Variants in PRORP observed in about 807,000 individuals in gnomAD.
PRORP encodes protein only RNase P catalytic subunit.
In PRORP, 51 loss-of-function variants were observed where a neutral mutation model predicts 59.4. The ratio of observed to expected loss-of-function variants is 0.86; its 90% confidence interval spans 0.69 to 1.08. The LOEUF is 1.08. Among genes scored for constraint, PRORP ranks in the 50% least tolerant of loss-of-function variants. The pLI, the probability that PRORP is intolerant of heterozygous loss-of-function variation, is 0.00. For synonymous variants in PRORP, 231 were observed against 245.6 expected, an observed-to-expected ratio of 0.94 and a Z score of 0.55; for missense variants, 646 against 690.3, an observed-to-expected ratio of 0.94 and a Z score of 0.72.
intron 5 of PRORP, among the ~76,000 whole-genome samples, chr14:35,253,631 G>A (rs2050674596): frequency 1.3e-5 from 2 of 152,086 alleles, no homozygotes; most frequent in South Asian, 4.1e-4. Flanking sequence ...GGAACCAACT[G>A]AAATCTCAGT....
chr14:35,220,680 T>A (rs560555181), intron 5 of PRORP, among the ~76,000 whole-genome samples: 2 of 152,338 alleles, frequency 1.3e-5, no homozygotes, highest in African/African-American at 4.8e-5. Context: ...ACAACTACTA[T>A]ATTTTCCTGA....
At chr14:35,128,115 G>A (rs1384539108) in intron 4 of PRORP, among the ~76,000 whole-genome samples, 1 of 152,128 alleles carries the variant, frequency 6.6e-6, no homozygotes, top group African/African-American at 2.4e-5. Context: ...TTAGTATCAC[G>A]TTAACTGATT....
At chr14:35,272,390 A>G (rs983294779) in intron 7 of PRORP, among the ~76,000 whole-genome samples, 1 of 152,170 alleles carries the variant, frequency 6.6e-6, no homozygotes, top group Non-Finnish European at 1.5e-5. Context: ...AAGCAGGAGG[A>G]TTGCCTGAGC....
chr14:35,188,575 CT>C (rs2048801760), intron 5 of PRORP, among the ~76,000 whole-genome samples: 1 of 151,788 alleles, frequency 6.6e-6, no homozygotes, highest in South Asian at 2.1e-4. Context: ...TTTGGATTCT[CT>C]TTTCGGTGTT....
intron 5 of PRORP, 22 bp downstream of exon 5, chr14:35,180,799 T>C (rs778635852): frequency 7.2e-7 from 1 of 1,396,314 alleles, no homozygotes; most frequent in Non-Finnish European, 1.0e-6. Flanking sequence ...TTTTACTTTG[T>C]TATTCCACAT....
intron 5 of PRORP, among the ~76,000 whole-genome samples, chr14:35,201,513 G>A (rs1595295439): frequency 1.3e-5 from 2 of 151,692 alleles, no homozygotes; most frequent in East Asian, 3.9e-4. Flanking sequence ...TGCTCACAGT[G>A]TTCTACCTTT....
At chr14:35,204,124 A>G (rs1036511510) in intron 5 of PRORP, among the ~76,000 whole-genome samples, 1 of 152,190 alleles carries the variant, frequency 6.6e-6, no homozygotes, top group African/African-American at 2.4e-5. Context: ...TTCTTAGGTA[A>G]TACTCTGCTT....
intron 5 of PRORP, among the ~76,000 whole-genome samples, chr14:35,217,991 T>G (rs962081726): frequency 6.6e-6 from 1 of 152,182 alleles, no homozygotes; most frequent in Admixed American, 6.5e-5. Context: ...CAGCAGAGAT[T>G]TTGATAGAAG....
intron 5 of PRORP, among the ~76,000 whole-genome samples, chr14:35,214,361 C>T (rs2049531290): frequency 6.6e-6 from 1 of 152,126 alleles, no homozygotes; most frequent in Non-Finnish European, 1.5e-5. Flanking sequence ...ATTATGTGGT[C>T]AGAAGCCCCA....
intron 5 of PRORP, among the ~76,000 whole-genome samples, chr14:35,260,508 C>G (rs991118032): frequency 1.3e-5 from 2 of 152,166 alleles, no homozygotes; most frequent in African/African-American, 4.8e-5. Flanking sequence ...TTCAAGTATT[C>G]TGTTTTACCT....
intron 5 of PRORP, among the ~76,000 whole-genome samples, chr14:35,227,845 A>C (rs2049973945): frequency 6.6e-6 from 1 of 152,218 alleles, no homozygotes; most frequent in Non-Finnish European, 1.5e-5. Context: ...CGTAACAGGT[A>C]ATTTAAAGAC....
chr14:35,240,076 A>G (rs1322065821), intron 5 of PRORP, among the ~76,000 whole-genome samples: 1 of 147,262 alleles, frequency 6.8e-6, no homozygotes, highest in African/African-American at 2.5e-5. Context: ...CTCCATCTCA[A>G]AAAAAAAAAA....
chr14:35,151,160 A>G (rs974916186), intron 4 of PRORP, among the ~76,000 whole-genome samples: 54 of 152,158 alleles, frequency 3.5e-4, no homozygotes, highest in Non-Finnish European at 4.0e-4. Flanking sequence ...TACGTCCCAG[A>G]GTGATACACT....
At chr14:35,155,940 A>C (rs1235863015) in intron 4 of PRORP, among the ~76,000 whole-genome samples, 1 of 152,224 alleles carries the variant, frequency 6.6e-6, no homozygotes, top group Admixed American at 6.5e-5. Flanking sequence ...TTCAGAGTCA[A>C]TTCTATAAAG....
At chr14:35,217,271 T>C (rs1341158197) in intron 5 of PRORP, among the ~76,000 whole-genome samples, 1 of 152,032 alleles carries the variant, frequency 6.6e-6, no homozygotes, top group Non-Finnish European at 1.5e-5. Context: ...GAGGCCAAGG[T>C]GGGCAGATCA....
At chr14:35,254,990 C>G (rs1227859698) in intron 5 of PRORP, among the ~76,000 whole-genome samples, 1 of 152,146 alleles carries the variant, frequency 6.6e-6, no homozygotes. Flanking sequence ...GTCACTTCCT[C>G]TGTGGTGACT....
intron 4 of PRORP, among the ~76,000 whole-genome samples, chr14:35,137,834 T>G (rs2047406399): frequency 1.4e-5 from 2 of 145,006 alleles, no homozygotes; most frequent in Non-Finnish European, 3.1e-5. Context: ...CCAGGCCAGA[T>G]AGGAAAGGGA....
chr14:35,228,470 G>A lies in PRORP; in HGVS notation c.1276-38257G>A, dbSNP rs149334391. 3.5e-3 allele frequency among the ~76,000 whole-genome samples: 536 copies of A among 152,202 alleles called. 4 individuals carry two copies. The highest frequency in any genetic ancestry group is 0.012 in the African/African-American group (516 of 41,536). Reference sequence around the variant, plus strand: ...CTTGCCTTCCTCCCTCCATCTCCCCGCTAGTAGTCCCAGTGTCCGTTGTTG... The same window carrying A: ...CTTGCCTTCCTCCCTCCATCTCCCCACTAGTAGTCCCAGTGTCCGTTGTTG... On this transcript the variant is annotated intron_variant, in intron 5 of 7. Transcript: ENST00000534898.
chr14:35,245,642 T>C (rs1011631041), intron 5 of PRORP, among the ~76,000 whole-genome samples: 1 of 152,056 alleles, frequency 6.6e-6, no homozygotes. Context: ...TGAGACCCTC[T>C]CTCAAAAAAA....
Sources: allele counts gnomAD v4.1 joint callset (sites outside exome capture counted in the v4.1 genomes callset), GRCh38; gene constraint gnomAD v4.1.1; transcripts MANE v1.5; gene names NCBI Gene and HGNC (gene_info 2026-07-23, HGNC 2026-07-21).